The following SCFD2 variants were observed in gnomAD, a reference collection of about 807,000 sequenced individuals.
SCFD2 encodes sec1 family domain-containing protein 2.
In SCFD2, 54 loss-of-function variants were observed where a neutral mutation model predicts 58.9. The ratio of observed to expected loss-of-function variants is 0.92; its 90% confidence interval spans 0.74 to 1.15. SCFD2 has a LOEUF of 1.15. SCFD2 is among the 50% of genes most tolerant of loss of function. SCFD2 has a pLI of 0.00. For missense variants in SCFD2, 805 were observed against 836.6 expected (o/e 0.96, Z 0.47); for synonymous variants, 321 against 335.9 (o/e 0.96, Z 0.49).
chr4:53,274,439 T>C (rs1731268749), intron 3 of SCFD2, among the ~76,000 whole-genome samples: 1 of 152,146 alleles, frequency 6.6e-6, no homozygotes, highest in African/African-American at 2.4e-5. Flanking sequence ...GAGAAATAGA[T>C]TATTTCTCAT....
intron 4 of SCFD2, among the ~76,000 whole-genome samples, chr4:53,230,141 T>C (rs1363417890): frequency 6.6e-6 from 1 of 152,114 alleles, no homozygotes; most frequent in Non-Finnish European, 1.5e-5. Flanking sequence ...GGAGAGGATG[T>C]GGAGAAATAG....
intron 5 of SCFD2, among the ~76,000 whole-genome samples, chr4:53,024,539 T>C (rs1255796286): frequency 2.0e-5 from 3 of 152,176 alleles, no homozygotes; most frequent in Non-Finnish European, 4.4e-5. Context: ...TATTGGTTCT[T>C]TCTAGATATT....
intron 5 of SCFD2, chr4:52,956,402 G>C (rs923013612): frequency 2.7e-6 from 1 of 369,236 alleles, no homozygotes; most frequent in South Asian, 2.0e-5. Context: ...TTAAGGAAAA[G>C]AGGAAAATGT....
At chr4:53,252,661 T>C (rs11133256) in intron 4 of SCFD2, among the ~76,000 whole-genome samples, 108,205 of 151,560 alleles carry the variant, frequency 0.71, 38,793 homozygotes, top group Middle Eastern at 0.8. Flanking sequence ...ATAAATGGTG[T>C]TGGGAAAACT....
In SCFD2 at chr4:53,320,646, T is replaced by G. The variant is rs556947117; in HGVS notation, c.1008-6883A>C. On this transcript the variant is annotated intron_variant, in intron 2 of 8. Transcript: ENST00000401642. ...AAATCAATAAAAAATAAAAATAAGGTTTCCATTATGCCATGGTCCTCAAAC... is the reference window on the plus strand; with the variant it reads ...AAATCAATAAAAAATAAAAATAAGGGTTCCATTATGCCATGGTCCTCAAAC... Among the ~76,000 whole-genome samples, 3 of 152,154 alleles carry G rather than the reference T, an allele frequency of 2.0e-5. No homozygotes were observed. The East Asian group carries it at 5.8e-4, about 29-fold the overall frequency.
At chr4:52,899,751 A>G (rs964937128) in intron 7 of SCFD2, among the ~76,000 whole-genome samples, 1 of 152,198 alleles carries the variant, frequency 6.6e-6, no homozygotes, top group Admixed American at 6.5e-5. Flanking sequence ...GTGTTTTCCA[A>G]CTTGGTTCCA....
At chr4:52,997,339 C>T (rs1721763373) in intron 5 of SCFD2, among the ~76,000 whole-genome samples, 1 of 152,198 alleles carries the variant, frequency 6.6e-6, no homozygotes, top group African/African-American at 2.4e-5. Flanking sequence ...GATCAAAGAG[C>T]TCTCAGGAAA....
At chr4:53,189,335 AT>A (rs1052570567) in intron 4 of SCFD2, among the ~76,000 whole-genome samples, 1 of 152,246 alleles carries the variant, frequency 6.6e-6, no homozygotes, top group Non-Finnish European at 1.5e-5. Flanking sequence ...TCTGATTTAG[AT>A]TCTGTCACAT....
chr4:52,923,600 G>C (rs1304152008), intron 5 of SCFD2, among the ~76,000 whole-genome samples: 5 of 152,144 alleles, frequency 3.3e-5, no homozygotes, highest in African/African-American at 9.7e-5. Context: ...AGGGGATTGG[G>C]GGGTAGGGGA....
rs761246493 is a variant in SCFD2 at position 52,874,056 on chromosome 4, G to A, written c.1968C>T (p.Ile656=). The change falls in exon 9 of 9, where the codon ATC becomes ATT. Residue 656 remains isoleucine (I), a synonymous_variant. Transcript: ENST00000401642. ...VASLKPGTQV[I]VLSTRLLKPL... is the part of the protein sequence containing the mutation. ...GCTTCAGGAGTCGTGTGGACAGCAC[G>A]ATTACCTAACAACAGGAGAGGGCAA... 3.1e-5 allele frequency: 50 copies of A among 1,612,312 alleles called. No individual in the cohort carries two copies. Among genetic ancestry groups the A allele is most frequent in the Non-Finnish European group, 3.6e-5 (43 of 1,178,508 alleles).
chr4:53,128,257 T>C (rs1253280081), intron 5 of SCFD2, among the ~76,000 whole-genome samples: 3 of 152,120 alleles, frequency 2.0e-5, no homozygotes, highest in African/African-American at 7.2e-5. Flanking sequence ...AACAAATATA[T>C]CCTGATGGCT....
chr4:53,102,451 A>G (rs1288390364), intron 5 of SCFD2, among the ~76,000 whole-genome samples: 1 of 152,130 alleles, frequency 6.6e-6, no homozygotes, highest in Non-Finnish European at 1.5e-5. Flanking sequence ...GCAAAATGAT[A>G]GGACAAATAA....
chr4:53,356,331 G>A (rs1187304082), intron 1 of SCFD2, among the ~76,000 whole-genome samples: 1 of 152,260 alleles, frequency 6.6e-6, no homozygotes, highest in Non-Finnish European at 1.5e-5. Context: ...ATTTTAGGGA[G>A]AAGGGGATAA....
intron 5 of SCFD2, among the ~76,000 whole-genome samples, chr4:52,929,283 A>G (rs1288525957): frequency 2.6e-5 from 4 of 152,184 alleles, no homozygotes; most frequent in South Asian, 4.1e-4. Context: ...GGTGTTTATT[A>G]TATAAGTATG....
At chr4:53,032,208 G>C (rs1722632203) in intron 5 of SCFD2, among the ~76,000 whole-genome samples, 1 of 152,138 alleles carries the variant, frequency 6.6e-6, no homozygotes, top group Admixed American at 6.5e-5. Flanking sequence ...AAGTGAAGGA[G>C]AAATAAAATC....
At chr4:53,105,447 T>C (rs1003314428) in intron 5 of SCFD2, among the ~76,000 whole-genome samples, 1 of 152,078 alleles carries the variant, frequency 6.6e-6, no homozygotes, top group Non-Finnish European at 1.5e-5. Flanking sequence ...CTTGAAATTC[T>C]CACTGACAGC....
At chr4:53,233,748 A>G (rs1729510947) in intron 4 of SCFD2, among the ~76,000 whole-genome samples, 5 of 152,200 alleles carry the variant, frequency 3.3e-5, no homozygotes, top group Admixed American at 3.3e-4. Flanking sequence ...TCAAAAATAC[A>G]ATACTTTAAT....
intron 4 of SCFD2, among the ~76,000 whole-genome samples, chr4:53,174,738 G>T (rs1048716000): frequency 6.6e-6 from 1 of 152,118 alleles, no homozygotes; most frequent in South Asian, 2.1e-4. Context: ...CTGGAGTGGG[G>T]GAAGGTGCAA....
At chr4:53,267,889 T>C (rs1218295950) in intron 4 of SCFD2, among the ~76,000 whole-genome samples, 3 of 152,228 alleles carry the variant, frequency 2.0e-5, no homozygotes, top group African/African-American at 4.8e-5. Flanking sequence ...AATTAATATG[T>C]CAAATTTCTT....
Sources: gnomAD v4.1 joint callset for allele counts (sites outside exome capture counted in the v4.1 genomes callset) on GRCh38, gnomAD v4.1.1 for gene constraint, MANE v1.5 for transcripts, NCBI Gene and HGNC (gene_info 2026-07-23, HGNC 2026-07-21) for gene names.